Variants in TAAR1 observed in about 807,000 individuals in gnomAD.
The protein encoded by TAAR1 is trace amine-associated receptor 1.
A neutral mutation model predicts 1.2 loss-of-function variants in TAAR1; 1 was observed. That is an observed-to-expected ratio of 0.81 (90% confidence interval 0.29 to 3.86). The LOEUF (loss-of-function observed/expected upper bound fraction) is 3.86. Among genes scored for constraint, TAAR1 ranks in the 30% most tolerant of loss-of-function variants. TAAR1 has a pLI of 0.18. For missense variants in TAAR1, 445 were observed against 405.6 expected (o/e 1.10, Z -0.83); for synonymous variants, 153 against 132.2 (o/e 1.16, Z -1.08).
At chr6:132,653,907 C>A (rs1456533068) in intron 1 of TAAR1, among the ~76,000 whole-genome samples, 1 of 152,134 alleles carries the variant, frequency 6.6e-6, no homozygotes, top group African/African-American at 2.4e-5. Flanking sequence ...GTAGCCAATA[C>A]AACCAGTTTG....
intron 1 of TAAR1, among the ~76,000 whole-genome samples, chr6:132,647,645 A>AAAG: frequency 6.9e-6 from 1 of 145,548 alleles, no homozygotes; most frequent in Non-Finnish European, 1.5e-5. Context: ...AGAAAGAAAG[A>AAAG]AAGAAAGAAA....
chr6:132,651,816 A>G (rs1777752602), intron 1 of TAAR1, among the ~76,000 whole-genome samples: 1 of 152,248 alleles, frequency 6.6e-6, no homozygotes, highest in Non-Finnish European at 1.5e-5. Context: ...TCTCAAATGT[A>G]AAAGAACAGG....
chr6:132,657,918 T>C (rs552078009), intron 1 of TAAR1, among the ~76,000 whole-genome samples: 7 of 152,136 alleles, frequency 4.6e-5, no homozygotes, highest in Non-Finnish European at 7.4e-5. Flanking sequence ...GTTTATAAAT[T>C]GAGTTTCATT....
intron 1 of TAAR1, among the ~76,000 whole-genome samples, chr6:132,657,055 G>A (rs1177702030): frequency 2.0e-5 from 3 of 152,100 alleles, no homozygotes; most frequent in African/African-American, 4.8e-5. Context: ...ATGTTAATAT[G>A]ACACAATACA....
intron 1 of TAAR1, among the ~76,000 whole-genome samples, chr6:132,647,617 G>T (rs1213530130): frequency 1.1e-5 from 1 of 93,158 alleles, no homozygotes. Context: ...AAGAAAGAAA[G>T]AAAAAGGAAA....
At chr6:132,655,460 G>C (rs924425502) in intron 1 of TAAR1, among the ~76,000 whole-genome samples, 1 of 148,798 alleles carries the variant, frequency 6.7e-6, no homozygotes, top group Non-Finnish European at 1.5e-5. Context: ...GTTCACTGCA[G>C]CCTCAATCTC....
chr6:132,652,291 C>A lies in TAAR1; in HGVS notation c.-126-6162G>T, dbSNP rs1434198428. ...GTAAAAGTGTAAATAAAGCTTCTGA[C>A]TTTCAGATATTCTGCTTTTTTTTTT... On this transcript the variant is annotated intron_variant, in intron 1 of 1. Coordinates refer to ENST00000275216, the MANE Select transcript of TAAR1 (RefSeq NM_138327.4). Among the ~76,000 whole-genome samples, 5 of 141,054 alleles carry A rather than the reference C, an allele frequency of 3.5e-5. 1 individual carries two copies. Among genetic ancestry groups the A allele is most frequent in the African/African-American group, 1.3e-4 (5 of 37,186 alleles). The allele number at this position is 141,054 out of a possible 152,430, so 92.5% of individuals were successfully genotyped here.
intron 1 of TAAR1, among the ~76,000 whole-genome samples, chr6:132,655,838 T>C (rs978847844): frequency 1.3e-5 from 2 of 152,132 alleles, no homozygotes; most frequent in African/African-American, 4.8e-5. Flanking sequence ...TTTGGACATG[T>C]TTTGAAGAAA....
At position 132,644,260 on chromosome 6, in the gene TAAR1, C is replaced by T. The variant is rs892085799; in HGVS notation, c.*724G>A. On this transcript the variant is annotated 3_prime_UTR_variant, in exon 2 of 2. Coordinates refer to ENST00000275216, the MANE Select transcript of TAAR1 (RefSeq NM_138327.4). ...ATTTAGTTAATATGTGCACATATGC[C>T]CCGACTCCAAAATAAAAGTTGAAAA... 2.0e-5 allele frequency among the ~76,000 whole-genome samples: 3 copies of T among 151,258 alleles called. No individual in the cohort carries two copies. The highest frequency in any genetic ancestry group is 7.3e-5 in the African/African-American group (3 of 41,192).
At chr6:132,647,654 A>AAGAAAGAAAGAC (rs1777698627) in intron 1 of TAAR1, among the ~76,000 whole-genome samples, 1 of 150,158 alleles carries the variant, frequency 6.7e-6, no homozygotes, top group Non-Finnish European at 1.5e-5. Context: ...GAAAGAAAGA[A>AAGAAAGAAAGAC]AGAAAGAAAG....
At chr6:132,647,925 G>A (rs72989659) in intron 1 of TAAR1, among the ~76,000 whole-genome samples, 9,467 of 151,956 alleles carry the variant, frequency 0.062, 337 homozygotes, top group East Asian at 0.11. Flanking sequence ...AATAAATTTG[G>A]AACATTTTTC....
chr6:132,655,432 T>G (rs1358637964), intron 1 of TAAR1, among the ~76,000 whole-genome samples: 1 of 132,076 alleles, frequency 7.6e-6, no homozygotes, highest in Non-Finnish European at 1.7e-5. Flanking sequence ...TAGCCTGGAG[T>G]GCAATGGTGC....
chr6:132,658,321 C>T (rs957853919), intron 1 of TAAR1, among the ~76,000 whole-genome samples: 18 of 151,880 alleles, frequency 1.2e-4, no homozygotes, highest in African/African-American at 4.4e-4. Flanking sequence ...GGAAATGGGA[C>T]GAAATTCATT....
At chr6:132,647,104 G>C (rs1777680819) in intron 1 of TAAR1, among the ~76,000 whole-genome samples, 1 of 152,020 alleles carries the variant, frequency 6.6e-6, no homozygotes, top group Admixed American at 6.6e-5. Context: ...GGGAAGCTGA[G>C]TTTCCATGTG....
At chr6:132,648,065 T>C (rs1777707281) in intron 1 of TAAR1, among the ~76,000 whole-genome samples, 2 of 152,188 alleles carry the variant, frequency 1.3e-5, no homozygotes, top group South Asian at 2.1e-4. Flanking sequence ...AAAACTGTTA[T>C]TTAAACTAAG....
chr6:132,651,379 C>A (rs1332478976), intron 1 of TAAR1, among the ~76,000 whole-genome samples: 1 of 152,136 alleles, frequency 6.6e-6, no homozygotes, highest in African/African-American at 2.4e-5. Flanking sequence ...GTATTTCCTG[C>A]TTCCCACAGG....
chr6:132,655,660 T>C (rs1777798230), intron 1 of TAAR1, among the ~76,000 whole-genome samples: 1 of 152,132 alleles, frequency 6.6e-6, no homozygotes, highest in African/African-American at 2.4e-5. Context: ...GATTTGACTT[T>C]TCTAACAGTA....
rs200795344 is a variant in TAAR1, at chr6:132,645,493, T to A, written c.511A>T (p.Ile171Leu). The change falls in exon 2 of 2, where the codon ATA becomes TTA. Residue 171 changes from isoleucine to leucine, a missense_variant. Transcript: ENST00000275216. ...CTGCAGTGAACATGTTTGTAATATA[T>A]CTCTTCAGCGCCTTTGAAGTTTAGC... ...LELNFKGAEE[I>L]YYKHVHCRGG... 49 of 1,613,664 alleles carry A rather than the reference T, an allele frequency of 3.0e-5. No homozygotes were observed. The Admixed American group carries it at 4.3e-4, about 14-fold the overall frequency.
At chr6:132,649,297 T>C (rs991821617) in intron 1 of TAAR1, among the ~76,000 whole-genome samples, 1 of 152,138 alleles carries the variant, frequency 6.6e-6, no homozygotes, top group African/African-American at 2.4e-5. Flanking sequence ...CTCCTCAGGA[T>C]ACCTTCTCCC....
Sources: gnomAD v4.1 joint callset for allele counts (sites outside exome capture counted in the v4.1 genomes callset) on GRCh38, gnomAD v4.1.1 for gene constraint, MANE v1.5 for transcripts, NCBI Gene and HGNC (gene_info 2026-07-23, HGNC 2026-07-21) for gene names.